Variants in MAP3K20 observed in about 807,000 individuals in gnomAD.
The protein encoded by MAP3K20 is mitogen-activated protein kinase kinase kinase 20.
In MAP3K20, 40 loss-of-function variants were observed where a neutral mutation model predicts 85.7. The observed-to-expected ratio is 0.47, with a 90% CI of 0.36 to 0.61. The LOEUF is 0.61. Ranked by LOEUF, MAP3K20 falls within the 20% of genes least tolerant of loss-of-function variation. MAP3K20 has a pLI of 0.00. For synonymous variants in MAP3K20, 325 were observed against 327.7 expected (o/e 0.99, Z 0.09); for missense variants, 817 against 961.7 (o/e 0.85, Z 1.99).
intron 2 of MAP3K20, among the ~76,000 whole-genome samples, chr2:173,144,961 A>G (rs969416371): frequency 6.6e-6 from 1 of 152,248 alleles, no homozygotes; most frequent in African/African-American, 2.4e-5. Context: ...TTTAACAAAC[A>G]TGCCAATGTA....
intron 16 of MAP3K20, among the ~76,000 whole-genome samples, chr2:173,241,479 C>T (rs1442106376): frequency 1.3e-5 from 2 of 151,980 alleles, no homozygotes; most frequent in Admixed American, 6.6e-5. Flanking sequence ...TGGGTGTAGT[C>T]GTGTAAGCCT....
intron 2 of MAP3K20, among the ~76,000 whole-genome samples, chr2:173,131,521 A>T (rs935087246): frequency 1.3e-5 from 2 of 152,246 alleles, no homozygotes; most frequent in African/African-American, 4.8e-5. Context: ...AAATGAAAAC[A>T]TGTTTGAAAA....
At chr2:173,217,425 AATT>A (rs1338265582) in intron 11 of MAP3K20, among the ~76,000 whole-genome samples, 175 bp downstream of exon 11, 1 of 152,194 alleles carries the variant, frequency 6.6e-6, no homozygotes, top group African/African-American at 2.4e-5. Flanking sequence ...ACCTAATTTC[AATT>A]AATAAAATGC....
At chr2:173,220,853 T>C (rs1479189046) in intron 11 of MAP3K20, among the ~76,000 whole-genome samples, 1 of 152,196 alleles carries the variant, frequency 6.6e-6, no homozygotes, top group Non-Finnish European at 1.5e-5. Context: ...AGAAACTATT[T>C]TGTTTTAAGC....
upstream of MAP3K20, chr2:173,075,594 A>T: frequency 3.9e-6 from 1 of 254,136 alleles, no homozygotes; most frequent in Non-Finnish European, 6.2e-6. Context: ...AGGTGGTGTT[A>T]ATTTGTCAAA....
Position 173,265,850 on chromosome 2 carries a change from T to C in MAP3K20, c.1703-200T>C, listed in dbSNP as rs74646342. Among the ~76,000 whole-genome samples, 688 of 152,310 alleles carry C rather than the reference T, an allele frequency of 4.5e-3. 5 individuals are homozygous for C. The highest frequency in any genetic ancestry group is 0.016 in the African/African-American group (662 of 41,564). On this transcript the variant is annotated intron_variant, in intron 19 of 19. Transcript: ENST00000375213. ...ATGGAACAATGCCAAGCACATAGCATATATTGAATAAGTGTAAATGTCCTT... is the reference window on the plus strand; with the variant it reads ...ATGGAACAATGCCAAGCACATAGCACATATTGAATAAGTGTAAATGTCCTT...
chr2:173,190,426 C>T (rs1690615069), intron 5 of MAP3K20, among the ~76,000 whole-genome samples: 1 of 152,184 alleles, frequency 6.6e-6, no homozygotes, highest in South Asian at 2.1e-4. Context: ...GCGTTACCCA[C>T]AGTAGCCTCA....
intron 16 of MAP3K20, among the ~76,000 whole-genome samples, chr2:173,253,579 T>TGAATAACAGGAGC (rs1176315354): frequency 6.6e-6 from 1 of 151,980 alleles, no homozygotes; most frequent in Non-Finnish European, 1.5e-5. Flanking sequence ...ATAAGAGGAG[T>TGAATAACAGGAGC]GAATAACAGG....
intron 3 of MAP3K20, 57 bp from the exon 4 acceptor site, chr2:173,182,797 T>C: frequency 8.2e-7 from 1 of 1,212,282 alleles, no homozygotes; most frequent in Non-Finnish European, 1.1e-6. Flanking sequence ...ATATAAAGTC[T>C]TATTTCTGAA....
At chr2:173,222,446 T>C (rs2106322280) in intron 11 of MAP3K20, 1 of 985,880 alleles carries the variant, frequency 1.0e-6, no homozygotes, top group Non-Finnish European at 1.2e-6. Flanking sequence ...CTGCTGGCCA[T>C]GGAAGCCTCT....
intron 1 of MAP3K20, among the ~76,000 whole-genome samples, chr2:173,078,190 T>G (rs1411190793): frequency 3.3e-5 from 5 of 151,230 alleles, no homozygotes; most frequent in Non-Finnish European, 4.4e-5. Flanking sequence ...GGTTTTTTTG[T>G]TTTTGTTTTG....
intron 2 of MAP3K20, among the ~76,000 whole-genome samples, chr2:173,121,590 T>C (rs1414929076): frequency 2.0e-5 from 3 of 152,026 alleles, no homozygotes; most frequent in Non-Finnish European, 2.9e-5. Flanking sequence ...GGTTTCACCG[T>C]GTTAGCCAGG....
chr2:173,200,964 A>T (rs1691038531), intron 8 of MAP3K20, among the ~76,000 whole-genome samples: 1 of 152,096 alleles, frequency 6.6e-6, no homozygotes. Flanking sequence ...AAAACTAAAG[A>T]AATTTGTGTA....
At chr2:173,106,684 G>A (rs951753925) in intron 2 of MAP3K20, among the ~76,000 whole-genome samples, 5 of 152,142 alleles carry the variant, frequency 3.3e-5, no homozygotes, top group African/African-American at 1.2e-4. Flanking sequence ...ATGGTTGCAG[G>A]GGAAGGATTC....
At chr2:173,138,453 T>C (rs1392658561) in intron 2 of MAP3K20, among the ~76,000 whole-genome samples, 2 of 152,220 alleles carry the variant, frequency 1.3e-5, no homozygotes, top group Non-Finnish European at 2.9e-5. Context: ...ATTGACACTG[T>C]AGTGTAGGTT....
At chr2:173,092,242 A>G (rs1461691359) in intron 2 of MAP3K20, among the ~76,000 whole-genome samples, 1 of 152,204 alleles carries the variant, frequency 6.6e-6, no homozygotes, top group East Asian at 1.9e-4. Flanking sequence ...GGGAATCTAT[A>G]GGTTTTTGGA....
intron 8 of MAP3K20, among the ~76,000 whole-genome samples, chr2:173,199,262 TATA>T: frequency 6.6e-6 from 1 of 152,200 alleles, no homozygotes. Context: ...AGAGTTACCA[TATA>T]ATTTTTCCTC....
At chr2:173,220,030 T>C (rs893280451) in intron 11 of MAP3K20, among the ~76,000 whole-genome samples, 1 of 132,646 alleles carries the variant, frequency 7.5e-6, no homozygotes, top group Non-Finnish European at 1.5e-5. Context: ...ATAGTGCCAC[T>C]GCACTCCAGC....
At chr2:173,262,356 T>C (rs1685316822) in intron 18 of MAP3K20, among the ~76,000 whole-genome samples, 1 of 152,028 alleles carries the variant, frequency 6.6e-6, no homozygotes, top group Non-Finnish European at 1.5e-5. Flanking sequence ...CCCCAGCACT[T>C]TGGGAGGCCA....
Sources: gnomAD v4.1 joint callset for allele counts (sites outside exome capture counted in the v4.1 genomes callset) on GRCh38, gnomAD v4.1.1 for gene constraint, MANE v1.5 for transcripts, NCBI Gene and HGNC (gene_info 2026-07-23, HGNC 2026-07-21) for gene names.